The following KIF6 variants were observed in gnomAD, a reference collection of about 807,000 sequenced individuals.
KIF6 encodes the protein kinesin-like protein KIF6.
KIF6 carries 106 observed loss-of-function variants against 112.7 expected under a neutral mutation model. The observed-to-expected ratio is 0.94, with a 90% CI of 0.80 to 1.11. KIF6 has a LOEUF of 1.11. Among genes scored for constraint, KIF6 ranks in the 50% least tolerant of loss-of-function variants. The probability of loss-of-function intolerance (pLI) is 0.00; values close to 1 mark genes in which losing one functional copy is unlikely to be tolerated. For missense variants in KIF6, 929 were observed against 964.0 expected, an observed-to-expected ratio of 0.96 and a Z score of 0.48; for synonymous variants, 339 against 339.9, an observed-to-expected ratio of 1.00 and a Z score of 0.03.
chr6:39,517,884 C>G (rs911240473), intron 13 of KIF6, among the ~76,000 whole-genome samples: 11 of 152,138 alleles, frequency 7.2e-5, no homozygotes, highest in African/African-American at 2.2e-4. Flanking sequence ...ATATCTTGAG[C>G]CTTGGTGAGA....
Position 39,688,247 on chromosome 6 carries a change from C to A in KIF6, c.251+26445G>T, listed in dbSNP as rs927495960. Among the ~76,000 whole-genome samples, 3 of 152,216 alleles carry A rather than the reference C, an allele frequency of 2.0e-5. No individual in the cohort carries two copies. In the East Asian group the frequency reaches 5.8e-4, roughly 29 times the overall value. ...CTGACCCCACTGGGAGGCCAGAGGG[C>A]AGGAGGCAGGTTACTGAGCCCACAC... On this transcript the variant is annotated intron_variant, in intron 3 of 22. Transcript: ENST00000287152.
intron 9 of KIF6, 41 bp from the exon 10 acceptor site, chr6:39,578,200 T>C (rs1402236608): frequency 7.6e-7 from 1 of 1,311,420 alleles, no homozygotes; most frequent in Non-Finnish European, 1.1e-6. Context: ...CAACTTCTCA[T>C]TAAGGTGAAC....
intron 13 of KIF6, among the ~76,000 whole-genome samples, chr6:39,437,539 A>G (rs989753035): frequency 2.0e-5 from 3 of 152,178 alleles, no homozygotes; most frequent in African/African-American, 7.2e-5. Flanking sequence ...GTGAAAAATG[A>G]GGCATGTATC....
At chr6:39,391,688 A>T (rs1767909120) in intron 15 of KIF6, among the ~76,000 whole-genome samples, 1 of 152,240 alleles carries the variant, frequency 6.6e-6, no homozygotes, top group South Asian at 2.1e-4. Context: ...AAATGCCAAA[A>T]TATATGAATA....
chr6:39,624,451 A>C lies in KIF6; in HGVS notation c.509+10398T>G, dbSNP rs368220895. 2.2e-4 allele frequency among the ~76,000 whole-genome samples: 33 copies of C among 152,348 alleles called. No homozygotes were observed. The South Asian group carries it at 6.0e-3, about 28-fold the overall frequency. On this transcript the variant is annotated intron_variant, in intron 5 of 22. Transcript: ENST00000287152. ...AATAAAGTGATCAAGCAAGCTTAGA[A>C]TCATTCAAAGCTGTTTGAAATAATC...
At chr6:39,586,540 C>T (rs1781650878) in intron 7 of KIF6, 136 bp from the exon 8 acceptor site, 2 of 657,650 alleles carry the variant, frequency 3.0e-6, no homozygotes, top group East Asian at 2.7e-5. Flanking sequence ...AACTTAAGTA[C>T]AGAATAAATA....
intron 7 of KIF6, among the ~76,000 whole-genome samples, chr6:39,590,453 T>TATA (rs1781885450): frequency 2.5e-5 from 3 of 119,354 alleles, no homozygotes; most frequent in Non-Finnish European, 5.2e-5. Flanking sequence ...ATATATATAT[T>TATA]TTTTTTTTTT....
rs564136153 is a variant in KIF6, at chr6:39,415,976, G to A, written c.1810+3972C>T. 2.0e-5 allele frequency among the ~76,000 whole-genome samples: 3 copies of A among 152,208 alleles called. No individual in the cohort carries two copies. In the South Asian group the frequency reaches 6.2e-4, roughly 32 times the overall value. On this transcript the variant is annotated intron_variant, in intron 15 of 22. Coordinates refer to ENST00000287152, the MANE Select transcript of KIF6 (RefSeq NM_145027.6). ...AACAGCTTCTTCTATTACATTCCCC[G>A]TGATTTTTGAATTGATTGCTGAGTG...
chr6:39,618,130 A>C (rs1197621561), intron 5 of KIF6, among the ~76,000 whole-genome samples: 1 of 152,218 alleles, frequency 6.6e-6, no homozygotes, highest in Non-Finnish European at 1.5e-5. Flanking sequence ...AATACTTGAA[A>C]TATGTTTCTT....
intron 5 of KIF6, among the ~76,000 whole-genome samples, chr6:39,628,575 A>C (rs1784207169): frequency 6.6e-6 from 1 of 152,132 alleles, no homozygotes; most frequent in Non-Finnish European, 1.5e-5. Context: ...ATCATACAGC[A>C]TGTAAACCTT....
intron 13 of KIF6, among the ~76,000 whole-genome samples, chr6:39,524,620 G>A (rs1045534232): frequency 2.6e-5 from 4 of 152,208 alleles, no homozygotes; most frequent in Non-Finnish European, 5.9e-5. Context: ...TACATCCAAC[G>A]ACTGACCATT....
intron 22 of KIF6, 123 bp from the exon 23 acceptor site, chr6:39,336,671 T>A: frequency 1.2e-6 from 1 of 831,654 alleles, no homozygotes; most frequent in Non-Finnish European, 2.1e-6. Flanking sequence ...ACTGCATCTG[T>A]GTCTTGCCTC....
intron 3 of KIF6, among the ~76,000 whole-genome samples, chr6:39,695,233 A>C (rs1451578882): frequency 6.6e-6 from 1 of 152,150 alleles, no homozygotes; most frequent in Non-Finnish European, 1.5e-5. Flanking sequence ...AACCTAGGAA[A>C]TACCCTTCTA....
At chr6:39,517,736 T>C (rs1043084513) in intron 13 of KIF6, among the ~76,000 whole-genome samples, 3 of 152,212 alleles carry the variant, frequency 2.0e-5, no homozygotes, top group Non-Finnish European at 4.4e-5. Flanking sequence ...GGTTTTTACT[T>C]CTGCTTAAAA....
intron 10 of KIF6, among the ~76,000 whole-genome samples, chr6:39,565,699 C>T (rs184767204): frequency 4.1e-4 from 63 of 152,310 alleles, no homozygotes; most frequent in Non-Finnish European, 7.2e-4. Flanking sequence ...AAATCCTTCT[C>T]AGTATCAACA....
At chr6:39,569,393 G>T (rs2150615719) in intron 10 of KIF6, among the ~76,000 whole-genome samples, 1 of 152,240 alleles carries the variant, frequency 6.6e-6, no homozygotes, top group African/African-American at 2.4e-5. Context: ...CATTGGGATG[G>T]TATATATCAA....
intron 5 of KIF6, chr6:39,620,569 A>G (rs1342797646): frequency 1.3e-5 from 2 of 152,108 alleles, no homozygotes; most frequent in African/African-American, 2.4e-5. Flanking sequence ...AACTATAAGC[A>G]TAATACATGC....
chr6:39,422,942 G>T (rs1482437201), intron 14 of KIF6, among the ~76,000 whole-genome samples: 1 of 152,232 alleles, frequency 6.6e-6, no homozygotes, highest in Non-Finnish European at 1.5e-5. Context: ...ATCCTAAGGT[G>T]CTGCTCACTG....
Position 39,613,303 on chromosome 6 carries a change from C to A in KIF6, c.525G>T (p.Leu175=), listed in dbSNP as rs1312554531. ...SLEDLPKVTI[L]EDPDQNIHLK... is the part of the protein sequence containing the mutation. The stretch of plus-strand genomic sequence containing the variant: ...GGTGAATGTTCTGATCAGGATCCTC[C>A]AGTATTGTCACTTTCCTAAGCAAAT... The change falls in exon 6 of 23, where the codon CTG becomes CTT. Residue 175 remains leucine, a synonymous_variant. Coordinates refer to ENST00000287152, the MANE Select transcript of KIF6 (RefSeq NM_145027.6). The A allele has an allele frequency of 1.9e-6, 3 of 1,589,336 alleles. No homozygotes were observed. The highest frequency in any genetic ancestry group is 2.7e-5 in the African/African-American group (2 of 73,250).
Sources: gnomAD v4.1 joint callset for allele counts (sites outside exome capture counted in the v4.1 genomes callset) on GRCh38, gnomAD v4.1.1 for gene constraint, MANE v1.5 for transcripts, NCBI Gene and HGNC (gene_info 2026-07-23, HGNC 2026-07-21) for gene names.